The following SLC44A3 variants were observed in gnomAD, a reference collection of about 807,000 sequenced individuals.
SLC44A3 encodes solute carrier family 44 member 3, also known as choline transporter-like protein 3.
A neutral mutation model predicts 75.4 loss-of-function variants in SLC44A3; 74 were observed. That is an observed-to-expected ratio of 0.98 (90% CI 0.81 to 1.19). The LOEUF is 1.19. Ranked by LOEUF, SLC44A3 falls within the 50% of genes most tolerant of loss-of-function variation. The probability of loss-of-function intolerance (pLI) is 0.00; values close to 1 mark genes in which losing one functional copy is unlikely to be tolerated. For synonymous variants in SLC44A3, 310 were observed against 296.9 expected (o/e 1.04, Z -0.45); for missense variants, 700 against 778.6 (o/e 0.90, Z 1.20).
In SLC44A3 at chr1:94,891,095, A is replaced by G. The variant is rs766980547; in HGVS notation, c.1483-35A>G. ...TATTGCCTTAAAAACAATTGTTATA[A>G]GAATTATCTTTTAAACAATTCTCTT... On this transcript the variant is annotated intron_variant, in intron 12 of 14. Transcript: ENST00000271227. 5.8e-6 allele frequency: 9 copies of G among 1,563,046 alleles called. 1 individual carries two copies. The South Asian group carries it at 1.1e-4, about 18-fold the overall frequency.
intron 12 of SLC44A3, among the ~76,000 whole-genome samples, chr1:94,884,368 A>G (rs551321595): frequency 2.0e-5 from 3 of 152,336 alleles, no homozygotes; most frequent in Admixed American, 6.5e-5. Flanking sequence ...ACAGGGCTCA[A>G]GATGAAACTG....
intron 5 of SLC44A3, among the ~76,000 whole-genome samples, chr1:94,835,140 AC>A (rs1295472544): frequency 6.6e-6 from 1 of 152,196 alleles, no homozygotes; most frequent in Non-Finnish European, 1.5e-5. Flanking sequence ...GTCACGAGAA[AC>A]ATGGAAAAAC....
At position 94,864,977 on chromosome 1, in the gene SLC44A3, T is replaced by C. The variant is rs1482675448; in HGVS notation, c.1395+78T>C. 3.3e-6 allele frequency: 5 copies of C among 1,502,750 alleles called. No homozygotes were observed. In the African/African-American group the frequency reaches 5.5e-5, roughly 17 times the overall value. 93.1% of individuals were successfully genotyped at this position (1,502,750 alleles called of 1,614,324 possible). On this transcript the variant is annotated intron_variant, in intron 11 of 14. Coordinates refer to ENST00000271227, the MANE Select transcript of SLC44A3 (RefSeq NM_001114106.3). ...TTAATTACTGGAAAACTACAGCAGG[T>C]CCCAGGACAGAAATGTGACCTGTGA...
At chr1:94,862,175 G>A (rs1447584309) in intron 10 of SLC44A3, among the ~76,000 whole-genome samples, 2 of 152,186 alleles carry the variant, frequency 1.3e-5, no homozygotes, top group Non-Finnish European at 2.9e-5. Context: ...ATCTTGCAGT[G>A]ATTTTGTTGT....
intron 9 of SLC44A3, among the ~76,000 whole-genome samples, chr1:94,846,162 A>C (rs965378739): frequency 6.6e-6 from 1 of 151,402 alleles, no homozygotes; most frequent in African/African-American, 2.4e-5. Context: ...AAAAAAAAAA[A>C]AGTGTTATGC....
At chr1:94,894,753 C>CGGCCCCTA (rs1670591635) in intron 14 of SLC44A3, 65 bp from the exon 15 acceptor site, 2 of 1,355,138 alleles carry the variant, frequency 1.5e-6, no homozygotes, top group Middle Eastern at 1.8e-4. Flanking sequence ...AGTTTTCCCT[C>CGGCCCCTA]GGCCCCTACG....
rs894161578 is a variant in SLC44A3, at chr1:94,887,704, C to T, written c.1483-3426C>T. 7.2e-5 allele frequency among the ~76,000 whole-genome samples: 11 copies of T among 152,208 alleles called. 1 individual carries two copies. Among genetic ancestry groups the T allele is most frequent in the Admixed American group, 7.2e-4 (11 of 15,284 alleles). ...GCTTCCCCATGGGAAGCAAGAAGCA[C>T]TTTAGGAAGCTTAGAGTGGGGAAGT... On this transcript the variant is annotated intron_variant, in intron 12 of 14. Transcript: ENST00000271227.
In SLC44A3 at chr1:94,891,203, C is replaced by A; in HGVS notation, c.1556C>A (p.Ser519Tyr). Reference protein sequence around the residue: ...TSAKDAFKILSKNSSHFTSIN... With the variant: ...TSAKDAFKILYKNSSHFTSIN... Reference sequence around the variant, plus strand: ...GCAAAAGATGCATTCAAAATCTTGTCCAAGAACTCAAGTCACTTTACATCT... The same window carrying A: ...GCAAAAGATGCATTCAAAATCTTGTACAAGAACTCAAGTCACTTTACATCT... The change falls in exon 13 of 15, where the codon TCC becomes TAC. Residue 519 changes from serine to tyrosine, a missense_variant. Transcript: ENST00000271227. The A allele has an allele frequency of 6.2e-7, 1 of 1,613,512 alleles. No individual in the cohort carries two copies. Among genetic ancestry groups the A allele is most frequent in the Non-Finnish European group, 8.5e-7 (1 of 1,179,696 alleles).
intron 12 of SLC44A3, among the ~76,000 whole-genome samples, chr1:94,883,716 T>C (rs859075): frequency 0.98 from 148,568 of 152,344 alleles, 72,506 homozygotes; most frequent in Non-Finnish European, 1. Context: ...AACTTCCTAA[T>C]GTTTCAGAAG....
At position 94,861,008 on chromosome 1, in the gene SLC44A3, G is replaced by T. The variant is rs577021994; in HGVS notation, c.1238+3508G>T. 1.2e-4 allele frequency among the ~76,000 whole-genome samples: 18 copies of T among 152,224 alleles called. No individual in the cohort carries two copies. The South Asian group carries it at 3.1e-3, about 26-fold the overall frequency. On this transcript the variant is annotated intron_variant, in intron 10 of 14. Coordinates refer to ENST00000271227, the MANE Select transcript of SLC44A3 (RefSeq NM_001114106.3). Reference sequence around the variant, plus strand: ...GGTGTGTTCGAACACGTTAAGAAAAGCATTACACGTTGGTGAAGCGTTCGG... The same window carrying T: ...GGTGTGTTCGAACACGTTAAGAAAATCATTACACGTTGGTGAAGCGTTCGG...
chr1:94,890,575 G>C (rs575057765), intron 12 of SLC44A3, among the ~76,000 whole-genome samples: 1 of 152,320 alleles, frequency 6.6e-6, no homozygotes, highest in East Asian at 1.9e-4. Context: ...CCTAGCAAGG[G>C]CCTAATTGCA....
At chr1:94,889,550 ACAC>A (rs199634304) in intron 12 of SLC44A3, among the ~76,000 whole-genome samples, 5 of 112,578 alleles carry the variant, frequency 4.4e-5, no homozygotes, top group South Asian at 2.7e-4. Context: ...ACACACACAC[ACAC>A]ATTTGTAGTC....
At chr1:94,850,219 A>T (rs1665030629) in intron 9 of SLC44A3, among the ~76,000 whole-genome samples, 1 of 152,122 alleles carries the variant, frequency 6.6e-6, no homozygotes, top group Admixed American at 6.5e-5. Context: ...AGGTCATATC[A>T]AGCCCCCATC....
chr1:94,882,151 G>A (rs921108871), intron 12 of SLC44A3, among the ~76,000 whole-genome samples: 1 of 152,182 alleles, frequency 6.6e-6, no homozygotes, highest in Non-Finnish European at 1.5e-5. Context: ...TCTTCTCTAG[G>A]ACTCTGCGTA....
chr1:94,827,963 G>A (rs1661597155), intron 4 of SLC44A3, among the ~76,000 whole-genome samples: 1 of 152,124 alleles, frequency 6.6e-6, no homozygotes, highest in South Asian at 2.1e-4. Context: ...GGAAGGCAGA[G>A]AGCTCCATGC....
At chr1:94,829,649 T>A (rs1473138309) in intron 5 of SLC44A3, among the ~76,000 whole-genome samples, 1 of 152,254 alleles carries the variant, frequency 6.6e-6, no homozygotes, top group East Asian at 1.9e-4. Context: ...GCCACCATTA[T>A]GATGCTGAGA....
At chr1:94,876,845 C>G (rs1668346859) in intron 12 of SLC44A3, among the ~76,000 whole-genome samples, 3 of 152,196 alleles carry the variant, frequency 2.0e-5, no homozygotes, top group Admixed American at 6.5e-5. Context: ...GCTATCCCTC[C>G]TCGGAGTTAT....
intron 12 of SLC44A3, among the ~76,000 whole-genome samples, chr1:94,880,485 C>G (rs1368499423): frequency 2.6e-5 from 4 of 152,176 alleles, no homozygotes; most frequent in Non-Finnish European, 5.9e-5. Flanking sequence ...TTCCAATCAT[C>G]CATATAGTAT....
intron 12 of SLC44A3, among the ~76,000 whole-genome samples, chr1:94,883,743 C>T (rs867148878): frequency 7.2e-5 from 11 of 152,196 alleles, no homozygotes; most frequent in South Asian, 4.1e-4. Context: ...TTAAAACCTA[C>T]GTCTTGTGTG....
Sources: allele counts gnomAD v4.1 joint callset (sites outside exome capture counted in the v4.1 genomes callset), GRCh38; gene constraint gnomAD v4.1.1; transcripts MANE v1.5; gene names NCBI Gene and HGNC (gene_info 2026-07-23, HGNC 2026-07-21).